COL6A5: variants seen among roughly 807,000 people sequenced by gnomAD.
The protein encoded by COL6A5 is collagen alpha-5(VI) chain.
COL6A5 carries 48 observed loss-of-function variants against 65.6 expected under a neutral mutation model. That is an observed-to-expected ratio of 0.73 (90% confidence interval 0.58 to 0.93). The LOEUF (loss-of-function observed/expected upper bound fraction) is 0.93, where lower values mean the gene tolerates loss of function less well. Among genes scored for constraint, COL6A5 ranks in the 40% least tolerant of loss-of-function variants. The pLI is 0.00. For missense variants in COL6A5, 914 were observed against 928.3 expected (o/e 0.98, Z 0.20); for synonymous variants, 291 against 322.8 (o/e 0.90, Z 1.05).
upstream of COL6A5, chr3:130,429,691 T>A: frequency 1.2e-6 from 1 of 861,222 alleles, no homozygotes; most frequent in Admixed American, 3.2e-5. Context: ...GACTTCTTCC[T>A]TCTATGCAGA....
intron 29 of COL6A5, among the ~76,000 whole-genome samples, chr3:130,425,579 T>C (rs1036876307): frequency 6.6e-6 from 1 of 152,176 alleles, no homozygotes; most frequent in African/African-American, 2.4e-5. Flanking sequence ...AAGGACTGAT[T>C]TCTTTCAGGA....
chr3:130,355,743 A>C (rs1202051582), intron 1 of COL6A5, among the ~76,000 whole-genome samples: 2 of 152,024 alleles, frequency 1.3e-5, no homozygotes, highest in Non-Finnish European at 2.9e-5. Context: ...TGGAAAGTAA[A>C]GAATTATGTA....
intron 20 of COL6A5, among the ~76,000 whole-genome samples, chr3:130,413,318 G>A (rs1937235710): frequency 6.6e-6 from 1 of 151,900 alleles, no homozygotes; most frequent in South Asian, 2.1e-4. Context: ...TCAGACTGGA[G>A]CTGGGTCTGT....
intron 10 of COL6A5, 77 bp from the exon 11 acceptor site, chr3:130,400,954 G>T: frequency 8.5e-7 from 1 of 1,179,566 alleles, no homozygotes; most frequent in Non-Finnish European, 1.2e-6. Flanking sequence ...CATGTTCACT[G>T]AGTAGAATTA....
chr3:130,379,798 T>A, exon 4 of COL6A5: 1 of 1,551,316 alleles, frequency 6.4e-7, no homozygotes, highest in Non-Finnish European at 8.7e-7. Context: ...CCACAGACCA[T>A]CAGATGATGA....
intron 27 of COL6A5, 36 bp from the exon 28 acceptor site, chr3:130,422,684 C>T: frequency 7.5e-7 from 1 of 1,336,152 alleles, no homozygotes; most frequent in Non-Finnish European, 1.0e-6. Context: ...ATAGCAAATA[C>T]TTTAACATCT....
At chr3:130,383,154 T>C (rs1391060) in intron 4 of COL6A5, among the ~76,000 whole-genome samples, 19,224 of 152,096 alleles carry the variant, frequency 0.13, 1,317 homozygotes, top group East Asian at 0.18. Flanking sequence ...TCTTTGGCAG[T>C]GTTTAATTGA....
chr3:130,446,367 G>A (rs1259323254), intron 4 of COL6A5, among the ~76,000 whole-genome samples: 1 of 152,142 alleles, frequency 6.6e-6, no homozygotes, highest in East Asian at 1.9e-4. Flanking sequence ...GGAAACTGGT[G>A]AGACAGAAAG....
At chr3:130,479,819 G>GT (rs906394187) in intron 7 of COL6A5, among the ~76,000 whole-genome samples, 1 of 152,006 alleles carries the variant, frequency 6.6e-6, no homozygotes, top group Non-Finnish European at 1.5e-5. Context: ...AAACATTTTA[G>GT]TTTTTTGAGA....
chr3:130,417,969 A>G (rs746006178), intron 24 of COL6A5, among the ~76,000 whole-genome samples: 4 of 152,164 alleles, frequency 2.6e-5, no homozygotes, highest in African/African-American at 7.2e-5. Flanking sequence ...AATGTATAGC[A>G]TGGTGACTGT....
rs373588214 is a variant in COL6A5 at position 130,484,137 on chromosome 3, T to A, written c.*96T>A. 6.0e-6 allele frequency: 8 copies of A among 1,329,110 alleles called. No homozygotes were observed. In the African/African-American group the frequency reaches 1.2e-4, roughly 20 times the overall value. 82.3% of individuals were successfully genotyped at this position (1,329,110 alleles called of 1,614,324 possible). A position where few individuals can be genotyped will look rare whatever the true frequency, so the allele number is the denominator to read the frequency against. On this transcript the variant is annotated 3_prime_UTR_variant, in exon 8 of 8. Transcript: ENST00000512836. ...AGAATGTATAATCATCTGTTAGAGG[T>A]ACTGTGGTAAATGACAGGGACTTTT...
chr3:130,468,769 G>T (rs1230347021), intron 5 of COL6A5, 26 bp from the exon 38 acceptor site: 2 of 1,540,908 alleles, frequency 1.3e-6, no homozygotes, highest in Admixed American at 1.9e-5. Context: ...CCATTAAAAA[G>T]AATGACTTGA....
chr3:130,360,258 G>A (rs1935063116), intron 1 of COL6A5, among the ~76,000 whole-genome samples: 1 of 152,068 alleles, frequency 6.6e-6, no homozygotes, highest in East Asian at 1.9e-4. Flanking sequence ...TACCAGTGCT[G>A]AGAATATTGT....
intron 4 of COL6A5, among the ~76,000 whole-genome samples, chr3:130,451,653 A>G (rs1242738008): frequency 1.3e-5 from 2 of 152,074 alleles, no homozygotes; most frequent in Non-Finnish European, 2.9e-5. Flanking sequence ...CAGGAGTTAC[A>G]TGTGCCGGCT....
chr3:130,425,750 T>C (rs1937590589), intron 29 of COL6A5, among the ~76,000 whole-genome samples: 1 of 152,172 alleles, frequency 6.6e-6, no homozygotes, highest in Non-Finnish European at 1.5e-5. Flanking sequence ...TTCTCATATG[T>C]AGAGGCTGTT....
At chr3:130,459,901 T>G (rs1190237329) in intron 5 of COL6A5, among the ~76,000 whole-genome samples, 1 of 152,116 alleles carries the variant, frequency 6.6e-6, no homozygotes, top group Non-Finnish European at 1.5e-5. Flanking sequence ...GCTTTTCACA[T>G]GATATTATGT....
At chr3:130,401,729 G>A (rs1936822561) in intron 11 of COL6A5, 33 bp from the exon 12 acceptor site, 1 of 1,448,934 alleles carries the variant, frequency 6.9e-7, no homozygotes. Flanking sequence ...TCTGACAATT[G>A]CTATTCCCTC....
chr3:130,423,729 G>T, intron 28 of COL6A5, 109 bp from the exon 29 acceptor site: 1 of 698,038 alleles, frequency 1.4e-6, no homozygotes. Context: ...ATTAATAGCT[G>T]CTATCTTTTT....
chr3:130,345,977 G>T, exon 1 of COL6A5: 1 of 398,710 alleles, frequency 2.5e-6, no homozygotes, highest in Non-Finnish European at 4.4e-6. Context: ...CCCCGGGAAA[G>T]CTGGGTAAGT....
Sources: allele counts gnomAD v4.1 joint callset (sites outside exome capture counted in the v4.1 genomes callset), GRCh38; gene constraint gnomAD v4.1.1; transcripts MANE v1.5; gene names NCBI Gene and HGNC (gene_info 2026-07-23, HGNC 2026-07-21).